KCNJ3: variants seen among roughly 807,000 people sequenced by gnomAD.
KCNJ3 encodes the protein potassium inwardly rectifying channel subfamily J member 3, also known as G protein-activated inward rectifier potassium channel 1.
KCNJ3 carries 4 observed loss-of-function variants against 39.2 expected under a neutral mutation model. The ratio of observed to expected loss-of-function variants is 0.10; its 90% CI spans 0.05 to 0.23. The LOEUF (loss-of-function observed/expected upper bound fraction) is 0.23, where lower values mean the gene tolerates loss of function less well. KCNJ3 is among the 10% of genes least tolerant of loss of function. The pLI, the probability that KCNJ3 is intolerant of heterozygous loss-of-function variation, is 1.00. For synonymous variants in KCNJ3, 230 were observed against 237.4 expected, an observed-to-expected ratio of 0.97 and a Z score of 0.29; for missense variants, 276 against 634.9, an observed-to-expected ratio of 0.43 and a Z score of 6.08.
chr2:154,760,127 A>G (rs2105188137), intron 2 of KCNJ3, among the ~76,000 whole-genome samples: 1 of 152,332 alleles, frequency 6.6e-6, no homozygotes, highest in South Asian at 2.1e-4. Flanking sequence ...TGTAACTAAC[A>G]CATCCTAACC....
At chr2:154,795,025 G>C (rs536766755) in intron 2 of KCNJ3, among the ~76,000 whole-genome samples, 2 of 152,002 alleles carry the variant, frequency 1.3e-5, no homozygotes, top group Admixed American at 6.6e-5. Context: ...TGAAATGAGG[G>C]ATATATACCT....
intron 2 of KCNJ3, among the ~76,000 whole-genome samples, chr2:154,820,573 G>A (rs926787174): frequency 3.3e-5 from 5 of 152,046 alleles, no homozygotes; most frequent in South Asian, 2.1e-4. Flanking sequence ...TTCTCCTGAT[G>A]GTTTTAGTAT....
chr2:154,738,276 G>A (rs1685582247), intron 2 of KCNJ3, among the ~76,000 whole-genome samples: 1 of 152,098 alleles, frequency 6.6e-6, no homozygotes, highest in African/African-American at 2.4e-5. Context: ...CAGAGGCTGG[G>A]AAGGGAGGTG....
chr2:154,846,094 A>T (rs1406888270), intron 2 of KCNJ3, among the ~76,000 whole-genome samples: 3 of 152,230 alleles, frequency 2.0e-5, no homozygotes, highest in Non-Finnish European at 2.9e-5. Context: ...TATTTTTGAG[A>T]AAGTAGTTAC....
At chr2:154,821,783 G>C (rs1687187024) in intron 2 of KCNJ3, among the ~76,000 whole-genome samples, 1 of 151,706 alleles carries the variant, frequency 6.6e-6, no homozygotes, top group Non-Finnish European at 1.5e-5. Context: ...TGGGTCTACA[G>C]ACATGTGCCA....
At chr2:154,763,490 T>C (rs1409942529) in intron 2 of KCNJ3, among the ~76,000 whole-genome samples, 1 of 152,070 alleles carries the variant, frequency 6.6e-6, no homozygotes, top group Non-Finnish European at 1.5e-5. Flanking sequence ...CATGTCACCA[T>C]CGACCATCTA....
intron 1 of KCNJ3, among the ~76,000 whole-genome samples, chr2:154,707,124 G>T (rs1248739916): frequency 1.3e-5 from 2 of 152,010 alleles, no homozygotes; most frequent in Non-Finnish European, 2.9e-5. Flanking sequence ...CATACGTAAA[G>T]AATTCAATAC....
At chr2:154,735,197 C>T (rs1479053962) in intron 2 of KCNJ3, among the ~76,000 whole-genome samples, 1 of 152,052 alleles carries the variant, frequency 6.6e-6, no homozygotes, top group Non-Finnish European at 1.5e-5. Flanking sequence ...CACCATTCTC[C>T]TGCCTCACCC....
intron 2 of KCNJ3, among the ~76,000 whole-genome samples, chr2:154,789,754 G>A (rs989804405): frequency 1.3e-5 from 2 of 152,046 alleles, no homozygotes; most frequent in African/African-American, 2.4e-5. Context: ...GTGTAAAAAT[G>A]TGTGATTTTG....
intron 2 of KCNJ3, among the ~76,000 whole-genome samples, chr2:154,716,276 A>ATTTTTTTT (rs535989708): frequency 7.8e-5 from 9 of 115,452 alleles, no homozygotes; most frequent in African/African-American, 2.7e-4. Context: ...CGGCCGGCTA[A>ATTTTTTTT]TTTTTTTTTT....
chr2:154,699,851 A>G lies in KCNJ3; in HGVS notation c.702+374A>G, dbSNP rs1684856683. Among the ~76,000 whole-genome samples the G allele has an allele frequency of 1.3e-5, 2 of 152,074 alleles. No homozygotes were observed. The highest frequency in any genetic ancestry group is 2.9e-5 in the Non-Finnish European group (2 of 68,020). On this transcript the variant is annotated intron_variant, in intron 1 of 2. Transcript: ENST00000295101. The surrounding 1 kb of genome is among the most constrained non-coding windows in gnomAD (Gnocchi z 6.4). ...TTATTTGTTGTCTACACACTACCCCATTCAATGCGAGGTACTAGAACTCAA... is the reference window on the plus strand; with the variant it reads ...TTATTTGTTGTCTACACACTACCCCGTTCAATGCGAGGTACTAGAACTCAA...
intron 2 of KCNJ3, among the ~76,000 whole-genome samples, chr2:154,725,291 T>A (rs1232527812): frequency 1.3e-5 from 2 of 151,826 alleles, no homozygotes; most frequent in Non-Finnish European, 2.9e-5. Context: ...TACTTTCTAT[T>A]TTTTATATCT....
intron 2 of KCNJ3, among the ~76,000 whole-genome samples, chr2:154,798,508 C>A (rs560211622): frequency 6.6e-6 from 1 of 152,206 alleles, no homozygotes; most frequent in Admixed American, 6.5e-5. Context: ...GGATGACTAG[C>A]CTTTCTCGTT....
At chr2:154,846,445 A>C (rs184138434) in intron 2 of KCNJ3, among the ~76,000 whole-genome samples, 2 of 152,160 alleles carry the variant, frequency 1.3e-5, no homozygotes, top group Non-Finnish European at 2.9e-5. Flanking sequence ...AGGCCCATAA[A>C]TAGGTTATAT....
intron 2 of KCNJ3, among the ~76,000 whole-genome samples, chr2:154,791,152 G>A (rs1028426042): frequency 2.0e-5 from 3 of 151,936 alleles, no homozygotes; most frequent in Non-Finnish European, 4.4e-5. Flanking sequence ...CTAGGGAAGT[G>A]TGGAAATTTT....
At chr2:154,838,839 A>C (rs1483332345) in intron 2 of KCNJ3, among the ~76,000 whole-genome samples, 1 of 152,208 alleles carries the variant, frequency 6.6e-6, no homozygotes, top group African/African-American at 2.4e-5. Context: ...GCTTTATACG[A>C]TATTTCAAAA....
chr2:154,735,806 A>G (rs951883526), intron 2 of KCNJ3, among the ~76,000 whole-genome samples: 5 of 152,152 alleles, frequency 3.3e-5, no homozygotes, highest in African/African-American at 9.6e-5. Context: ...GAAGAAATAC[A>G]TTGGAAATCT....
Position 154,786,826 on chromosome 2 carries a change from A to G in KCNJ3, c.920-67901A>G, listed in dbSNP as rs1186715956. Among the ~76,000 whole-genome samples the G allele has an allele frequency of 1.3e-5, 2 of 152,190 alleles. 1 individual carries two copies. The highest frequency in any genetic ancestry group is 2.9e-5 in the Non-Finnish European group (2 of 68,024). On this transcript the variant is annotated intron_variant, in intron 2 of 2. Transcript: ENST00000295101. ...TTGCCAAAATTGAATTACAAAATGT[A>G]TTGTTTTTCGTTGAAGAGCAAACCA...
intron 2 of KCNJ3, among the ~76,000 whole-genome samples, chr2:154,849,092 T>A (rs1336791337): frequency 5.3e-5 from 8 of 152,204 alleles, no homozygotes. Context: ...TGATTTCTTA[T>A]GTTCAATTTC....
Sources: gnomAD v4.1 joint callset for allele counts (sites outside exome capture counted in the v4.1 genomes callset) on GRCh38, gnomAD v4.1.1 for gene constraint, Gnocchi (gnomAD v3.1) non-coding constraint, MANE v1.5 for transcripts, NCBI Gene and HGNC (gene_info 2026-07-23, HGNC 2026-07-21) for gene names.